The following TENM2 variants were observed in gnomAD, a reference collection of about 807,000 sequenced individuals.
TENM2 encodes the protein teneurin transmembrane protein 2, also known as teneurin-2.
Under a neutral mutation model 245.2 loss-of-function variants are expected in TENM2, and 52 were observed. The observed-to-expected ratio is 0.21, with a 90% CI of 0.17 to 0.27. The LOEUF is 0.27. Ranked by LOEUF, TENM2 falls within the 10% of genes least tolerant of loss-of-function variation. The pLI, the probability that TENM2 is intolerant of heterozygous loss-of-function variation, is 1.00. For missense variants in TENM2, 3,046 were observed against 3,666.8 expected (o/e 0.83, Z 4.37); for synonymous variants, 1,363 against 1,438.9 (o/e 0.95, Z 1.19).
chr5:167,848,161 T>C (rs1215494628), intron 2 of TENM2, among the ~76,000 whole-genome samples: 1 of 152,158 alleles, frequency 6.6e-6, no homozygotes, highest in Non-Finnish European at 1.5e-5. Flanking sequence ...TGGACTACAA[T>C]GAATGGCTGA....
the TENM2 span, among the ~76,000 whole-genome samples, chr5:167,016,778 G>C: frequency 6.6e-6 from 1 of 152,080 alleles, no homozygotes; most frequent in South Asian, 2.1e-4. Flanking sequence ...GTGCTCAACT[G>C]TTTCCCCTAC....
intron 2 of TENM2, among the ~76,000 whole-genome samples, chr5:167,609,811 T>C (rs961148881): frequency 6.6e-6 from 1 of 152,154 alleles, no homozygotes; most frequent in Non-Finnish European, 1.5e-5. Context: ...ACTTAACTTC[T>C]GGTCACCAAA....
At chr5:167,266,323 C>G in the TENM2 span, among the ~76,000 whole-genome samples, 2 of 151,976 alleles carry the variant, frequency 1.3e-5, no homozygotes, top group African/African-American at 2.4e-5. Context: ...GAAATTTTAC[C>G]TTGATTAAGA....
At chr5:168,104,731 A>G (rs1794107716) in intron 9 of TENM2, among the ~76,000 whole-genome samples, 1 of 152,084 alleles carries the variant, frequency 6.6e-6, no homozygotes, top group African/African-American at 2.4e-5. Flanking sequence ...ATGCGTTTGC[A>G]AGAGCGTTTA....
chr5:167,318,157 G>A (rs759211195), intron 1 of TENM2, among the ~76,000 whole-genome samples: 41 of 152,232 alleles, frequency 2.7e-4, no homozygotes, highest in Middle Eastern at 3.4e-3. Context: ...TATATAAATG[G>A]CTTCAGTTCA....
At chr5:168,113,335 A>G (rs1424288108) in intron 9 of TENM2, among the ~76,000 whole-genome samples, 2 of 152,108 alleles carry the variant, frequency 1.3e-5, no homozygotes, top group African/African-American at 4.8e-5. Flanking sequence ...AATAATAATA[A>G]TAATAGTAAT....
At chr5:168,047,299 G>A in intron 5 of TENM2, 128 bp from the exon 8 acceptor site, 1 of 1,060,284 alleles carries the variant, frequency 9.4e-7, no homozygotes, top group Non-Finnish European at 1.4e-6. Flanking sequence ...CTGTGGCCTG[G>A]GGCAAGCCAT....
At chr5:167,047,282 C>T in the TENM2 span, among the ~76,000 whole-genome samples, 1 of 152,182 alleles carries the variant, frequency 6.6e-6, no homozygotes, top group Non-Finnish European at 1.5e-5. Flanking sequence ...AGCTTTTCTA[C>T]ACTGCTTGGT....
chr5:168,125,028 G>T, exon 11 of TENM2: 1 of 1,608,522 alleles, frequency 6.2e-7, no homozygotes, highest in Middle Eastern at 1.8e-4. Context: ...ATCCCAACTG[G>T]ATGGGTCCCG....
chr5:167,052,610 A>T, the TENM2 span, among the ~76,000 whole-genome samples: 5 of 152,202 alleles, frequency 3.3e-5, no homozygotes, highest in Non-Finnish European at 1.5e-5. Context: ...GAGAGAGCAT[A>T]AAGTCTCATA....
intron 5 of TENM2, among the ~76,000 whole-genome samples, chr5:168,036,677 G>GTATGTA (rs1554183614): frequency 8.5e-6 from 1 of 117,790 alleles, no homozygotes; most frequent in Non-Finnish European, 1.7e-5. Flanking sequence ...ATATGTATGT[G>GTATGTA]TATATATATA....
At chr5:168,040,069 T>C (rs1409571365) in intron 5 of TENM2, among the ~76,000 whole-genome samples, 2 of 152,230 alleles carry the variant, frequency 1.3e-5, no homozygotes, top group Non-Finnish European at 2.9e-5. Flanking sequence ...CTGTGGATTC[T>C]TCTTGTCTCA....
chr5:168,223,302 G>A (rs1367050531), intron 23 of TENM2, among the ~76,000 whole-genome samples: 1 of 152,088 alleles, frequency 6.6e-6, no homozygotes, highest in Non-Finnish European at 1.5e-5. Context: ...TAAAATCCTT[G>A]CCCTGGTCCC....
the TENM2 span, among the ~76,000 whole-genome samples, chr5:167,258,182 C>T: frequency 7.0e-6 from 1 of 142,684 alleles, no homozygotes; most frequent in African/African-American, 2.8e-5. Context: ...TTTTCATTGT[C>T]TGTAAAATGT....
intron 2 of TENM2, among the ~76,000 whole-genome samples, chr5:167,429,674 G>A (rs1051864308): frequency 7.1e-6 from 1 of 140,100 alleles, no homozygotes; most frequent in African/African-American, 2.7e-5. Context: ...TGAAGCGACC[G>A]CGGCTCAGTG....
At chr5:167,897,884 T>C (rs1475374126) in intron 3 of TENM2, among the ~76,000 whole-genome samples, 1 of 141,430 alleles carries the variant, frequency 7.1e-6, no homozygotes, top group Non-Finnish European at 1.5e-5. Context: ...TAATCCGTAG[T>C]AAATTGTTTT....
intron 19 of TENM2, among the ~76,000 whole-genome samples, chr5:168,207,261 T>C (rs1051346891): frequency 2.0e-5 from 3 of 152,106 alleles, no homozygotes; most frequent in African/African-American, 7.2e-5. Context: ...TCAAGATAGG[T>C]TGCTTAAATT....
intron 2 of TENM2, among the ~76,000 whole-genome samples, chr5:167,667,654 C>A (rs1236823409): frequency 6.6e-6 from 1 of 152,208 alleles, no homozygotes; most frequent in African/African-American, 2.4e-5. Flanking sequence ...ACTGAGCAGA[C>A]AAACAGTATC....
chr5:168,240,890 C>G (rs1384641101), intron 25 of TENM2: 1 of 152,096 alleles, frequency 6.6e-6, no homozygotes, highest in Non-Finnish European at 1.5e-5. Context: ...AGGTCTTGAA[C>G]CAAAATCTGA....
Sources: gnomAD v4.1 joint callset for allele counts (sites outside exome capture counted in the v4.1 genomes callset) on GRCh38, gnomAD v4.1.1 for gene constraint, MANE v1.5 for transcripts, NCBI Gene and HGNC (gene_info 2026-07-23, HGNC 2026-07-21) for gene names.